Variants in SLC44A5 observed in about 807,000 individuals in gnomAD.
SLC44A5 encodes choline transporter-like protein 5.
In SLC44A5, 57 loss-of-function variants were observed where a neutral mutation model predicts 101.8. The observed-to-expected ratio is 0.56, with a 90% CI of 0.45 to 0.70. SLC44A5 has a LOEUF of 0.70. Among genes scored for constraint, SLC44A5 ranks in the 30% least tolerant of loss-of-function variants. The pLI is 0.00. For synonymous variants in SLC44A5, 281 were observed against 290.9 expected (o/e 0.97, Z 0.35); for missense variants, 737 against 853.1 (o/e 0.86, Z 1.70).
chr1:75,504,625 A>G (rs1570468655), intron 2 of SLC44A5, among the ~76,000 whole-genome samples: 1 of 152,120 alleles, frequency 6.6e-6, no homozygotes, highest in South Asian at 2.1e-4. Flanking sequence ...ACTAAAAAAT[A>G]TAAATCTTTT....
rs1241146932 is a variant in SLC44A5 at position 75,257,409 on chromosome 1, T to C, written c.261-6115A>G. Among the ~76,000 whole-genome samples the C allele has an allele frequency of 5.9e-5, 9 of 152,198 alleles. No individual in the cohort carries two copies. In the East Asian group the frequency reaches 1.5e-3, roughly 26 times the overall value. On this transcript the variant is annotated intron_variant, in intron 6 of 23. Coordinates refer to ENST00000370859, the MANE Select transcript of SLC44A5 (RefSeq NM_001130058.2). ...AAAATAACAAGTAGATAATCACACT[T>C]TGAATAGATCACCTAAGCAAGAATG...
intron 4 of SLC44A5, among the ~76,000 whole-genome samples, chr1:75,338,059 A>G (rs1187121631): frequency 6.6e-6 from 1 of 152,160 alleles, no homozygotes; most frequent in Non-Finnish European, 1.5e-5. Flanking sequence ...AAAGTTACAA[A>G]TAGGCCAACT....
chr1:75,482,372 C>T (rs890083094), intron 2 of SLC44A5, among the ~76,000 whole-genome samples: 9 of 151,750 alleles, frequency 5.9e-5, no homozygotes, highest in Non-Finnish European at 1.2e-4. Context: ...TGTACATATG[C>T]AACTAACCTG....
Position 75,578,345 on chromosome 1 carries a change from A to C in SLC44A5, c.-70+32695T>G, listed in dbSNP as rs142815065. On this transcript the variant is annotated intron_variant, in intron 1 of 23. Coordinates refer to ENST00000370859, the MANE Select transcript of SLC44A5 (RefSeq NM_001130058.2). ...AGCACAAAAAAACATCTAACACACC[A>C]ATATTTTTCTCTTGTCATTCTCTTT... Among the ~76,000 whole-genome samples the C allele has an allele frequency of 2.6e-3, 400 of 152,286 alleles. 1 individual carries two copies. Among genetic ancestry groups the C allele is most frequent in the African/African-American group, 9.3e-3 (386 of 41,574 alleles).
chr1:75,332,071 A>C (rs1657099988), intron 4 of SLC44A5, among the ~76,000 whole-genome samples: 1 of 152,118 alleles, frequency 6.6e-6, no homozygotes, highest in Non-Finnish European at 1.5e-5. Flanking sequence ...ATTGCTCATC[A>C]CAGTATCTCT....
intron 6 of SLC44A5, among the ~76,000 whole-genome samples, chr1:75,265,199 C>T (rs1012413351): frequency 1.3e-5 from 2 of 152,200 alleles, no homozygotes; most frequent in Non-Finnish European, 2.9e-5. Context: ...AAAACCACTT[C>T]TCTTCAAACT....
the SLC44A5 span, among the ~76,000 whole-genome samples, chr1:75,648,492 G>A: frequency 1.9e-4 from 29 of 152,240 alleles, no homozygotes; most frequent in Non-Finnish European, 1.0e-4. Flanking sequence ...CAGTGTTTCT[G>A]TATAATGTTC....
At chr1:75,463,754 G>T (rs750876372) in intron 2 of SLC44A5, among the ~76,000 whole-genome samples, 8 of 152,056 alleles carry the variant, frequency 5.3e-5, no homozygotes, top group Non-Finnish European at 1.0e-4. Context: ...TTAGTAATAA[G>T]AAATCATCTG....
At chr1:75,720,931 G>A in the SLC44A5 span, among the ~76,000 whole-genome samples, 1 of 152,162 alleles carries the variant, frequency 6.6e-6, no homozygotes, top group Non-Finnish European at 1.5e-5. Context: ...ACTTGGTTAA[G>A]TTTATCTAAA....
In SLC44A5 at chr1:75,237,008, C is replaced by A. The variant is rs1296928430; in HGVS notation, c.719G>T (p.Arg240Ile). 2 of 1,597,724 alleles carry A rather than the reference C, an allele frequency of 1.3e-6. No homozygotes were observed. Among genetic ancestry groups the A allele is most frequent in the Non-Finnish European group, 1.7e-6 (2 of 1,167,854 alleles). The part of the protein sequence containing the change: ...LGLKVFEDYA[R>I]TWYWILIGLT... ...TTACATGAGAATCCAATACCAAGTT[C>A]TTGCATAGTCTTCAAACACTTTCAA... is the stretch of plus-strand genomic sequence containing the variant. Residue 240 changes from arginine to isoleucine, a missense_variant, in exon 11 of 24, where the codon AGA becomes ATA. Coordinates refer to ENST00000370859, the MANE Select transcript of SLC44A5 (RefSeq NM_001130058.2).
At chr1:75,426,569 C>T (rs1312647367) in intron 2 of SLC44A5, among the ~76,000 whole-genome samples, 1 of 152,228 alleles carries the variant, frequency 6.6e-6, no homozygotes, top group African/African-American at 2.4e-5. Flanking sequence ...TTACAGTGAA[C>T]ATTTGTCTTC....
At chr1:75,637,576 T>TG in the SLC44A5 span, among the ~76,000 whole-genome samples, 1 of 151,894 alleles carries the variant, frequency 6.6e-6, no homozygotes, top group Admixed American at 6.6e-5. Flanking sequence ...TTGGAAATAA[T>TG]GGTATGGTTG....
chr1:75,480,791 G>A (rs1249518735), intron 2 of SLC44A5, among the ~76,000 whole-genome samples: 1 of 152,146 alleles, frequency 6.6e-6, no homozygotes, highest in Non-Finnish European at 1.5e-5. Flanking sequence ...ATGCTCATTG[G>A]TAGAAAGAAT....
At chr1:75,415,633 G>A (rs1409073482) in intron 2 of SLC44A5, among the ~76,000 whole-genome samples, 2 of 152,204 alleles carry the variant, frequency 1.3e-5, no homozygotes, top group African/African-American at 4.8e-5. Context: ...CTCAGAGGAA[G>A]CAGGAAAATG....
At chr1:75,343,253 T>C (rs1034187951) in intron 3 of SLC44A5, among the ~76,000 whole-genome samples, 3 of 152,314 alleles carry the variant, frequency 2.0e-5, no homozygotes, top group East Asian at 1.9e-4. Context: ...TTTAGAATCA[T>C]TGAAAAACAT....
intron 5 of SLC44A5, among the ~76,000 whole-genome samples, chr1:75,276,312 C>T (rs1013059997): frequency 6.6e-6 from 1 of 152,116 alleles, no homozygotes; most frequent in Non-Finnish European, 1.5e-5. Context: ...GTTCAATGTG[C>T]GATGTCTCCA....
At chr1:75,343,264 T>G (rs2101043200) in intron 3 of SLC44A5, among the ~76,000 whole-genome samples, 1 of 152,270 alleles carries the variant, frequency 6.6e-6, no homozygotes, top group Non-Finnish European at 1.5e-5. Flanking sequence ...TGAAAAACAT[T>G]TATAAAAGAC....
At chr1:75,708,227 A>G in the SLC44A5 span, among the ~76,000 whole-genome samples, 1 of 92,634 alleles carries the variant, frequency 1.1e-5, no homozygotes, top group Non-Finnish European at 2.4e-5. Flanking sequence ...GCCTGGCAAC[A>G]TGGGGAAACC....
At chr1:75,580,329 G>A (rs1015611911) in intron 1 of SLC44A5, among the ~76,000 whole-genome samples, 2 of 152,122 alleles carry the variant, frequency 1.3e-5, no homozygotes, top group South Asian at 2.1e-4. Flanking sequence ...GAATTACCAC[G>A]GGGTGGGTGT....
Sources: gnomAD v4.1 joint callset for allele counts (sites outside exome capture counted in the v4.1 genomes callset) on GRCh38, gnomAD v4.1.1 for gene constraint, MANE v1.5 for transcripts, NCBI Gene and HGNC (gene_info 2026-07-23, HGNC 2026-07-21) for gene names.